Variants in HMCN2 observed in about 807,000 individuals in gnomAD.
The protein encoded by HMCN2 is hemicentin-2.
HMCN2 carries 325 observed loss-of-function variants against 377.5 expected under a neutral mutation model. The observed-to-expected ratio is 0.86, with a 90% CI of 0.79 to 0.94. The LOEUF (loss-of-function observed/expected upper bound fraction) is 0.94, where lower values mean the gene tolerates loss of function less well. Among genes scored for constraint, HMCN2 ranks in the 40% least tolerant of loss-of-function variants. HMCN2 has a pLI of 0.00. For missense variants in HMCN2, 4,543 were observed against 4,725.3 expected, an observed-to-expected ratio of 0.96 and a Z score of 1.13; for synonymous variants, 2,007 against 2,046.8, an observed-to-expected ratio of 0.98 and a Z score of 0.53.
chr9:130,389,096 G>A (rs1448941641), intron 62 of HMCN2, among the ~76,000 whole-genome samples: 1 of 152,194 alleles, frequency 6.6e-6, no homozygotes, highest in Non-Finnish European at 1.5e-5. Context: ...ACAGCTCGGA[G>A]CTGGTCCCTT....
In HMCN2 at chr9:130,323,071, T is replaced by C. The variant is rs950375903; in HGVS notation, c.2920+1140T>C. Among the ~76,000 whole-genome samples the C allele has an allele frequency of 4.6e-5, 7 of 152,272 alleles. No homozygotes were observed. The East Asian group carries it at 1.4e-3, about 29-fold the overall frequency. On this transcript the variant is annotated intron_variant, in intron 19 of 97. Coordinates refer to ENST00000683500, the MANE Select transcript of HMCN2 (RefSeq NM_001291815.2). ...CATCCAGGGTGGAGTGTGTACCACA[T>C]GCCAGGCATCTGCTAGTTTCTATAT...
At chr9:130,279,333 G>T (rs2131257136) in intron 1 of HMCN2, among the ~76,000 whole-genome samples, 1 of 152,154 alleles carries the variant, frequency 6.6e-6, no homozygotes, top group Middle Eastern at 3.4e-3. Context: ...GGGGTCTTCA[G>T]ATCTCTTCCT....
At position 130,418,930 on chromosome 9, in the gene HMCN2, G is replaced by A. The variant is rs563941989; in HGVS notation, c.13120G>A (p.Asp4374Asn). The change falls in exon 86 of 98, where the codon GAT becomes AAT. Residue 4374 changes from aspartate to asparagine, a missense_variant. Coordinates refer to ENST00000683500, the MANE Select transcript of HMCN2 (RefSeq NM_001291815.2). ...CAGCCGGCGGCTCCGGACCCTGCCC[G>A]ATGGGAGCCTGTGGCTGGAGAACGT... ...RASRRLRTLP[D>N]GSLWLENVET... The A allele has an allele frequency of 1.7e-5, 26 of 1,544,108 alleles. No individual in the cohort carries two copies. The highest frequency in any genetic ancestry group is 1.7e-4 in the Middle Eastern group (1 of 5,962).
rs145600634 is a variant in HMCN2, at chr9:130,388,568, G to A, written c.9523+28G>A. On this transcript the variant is annotated intron_variant, in intron 62 of 97. Coordinates refer to ENST00000683500, the MANE Select transcript of HMCN2 (RefSeq NM_001291815.2). Reference sequence around the variant, plus strand: ...GAGCACATCTGTCCTTGTCTGTTTCGCGTAAAGCATTCCTTTCTTTAATAA... The same window carrying A: ...GAGCACATCTGTCCTTGTCTGTTTCACGTAAAGCATTCCTTTCTTTAATAA... 125 of 987,946 alleles carry A rather than the reference G, an allele frequency of 1.3e-4. 1 individual carries two copies. The East Asian group carries it at 9.0e-3, about 71-fold the overall frequency. 61.2% of individuals were successfully genotyped at this position (987,946 alleles called of 1,614,324 possible).
chr9:130,344,362 G>A (rs975964767), intron 25 of HMCN2, among the ~76,000 whole-genome samples: 4 of 151,340 alleles, frequency 2.6e-5, no homozygotes, highest in Non-Finnish European at 5.9e-5. Flanking sequence ...TGTAGTATGT[G>A]GTGTGTGTGT....
rs1837867746 is a variant in HMCN2 at position 130,321,811 on chromosome 9, A to ATCCGAGGAGACGGCAGCC, written c.2806_2807insGAGACGGCAGCCTCCGAG (p.Arg935_Ala936insGlyAspGlySerLeuArg). The ATCCGAGGAGACGGCAGCC allele has an allele frequency of 6.6e-6, 1 of 152,152 alleles. No individual in the cohort carries two copies. The highest frequency in any genetic ancestry group is 2.4e-5 in the African/African-American group (1 of 41,410). The allele number at this position is 152,152 out of a possible 1,614,324, so 9.4% of individuals were successfully genotyped here. On this transcript the variant is annotated inframe_insertion, in exon 19 of 98. Transcript: ENST00000683500. Reference sequence around the variant, plus strand: ...GCTCCCACCTGGCAGCCGGCATTCCATCCGAGCAGACGGCAGCCTCCACCT... The same window carrying ATCCGAGGAGACGGCAGCC: ...GCTCCCACCTGGCAGCCGGCATTCCATCCGAGGAGACGGCAGCCTCCGAGCAGACGGCAGCCTCCACCT...
At chr9:130,372,612 TA>T (rs1249549361) in intron 47 of HMCN2, among the ~76,000 whole-genome samples, 2 of 152,122 alleles carry the variant, frequency 1.3e-5, no homozygotes, top group Non-Finnish European at 2.9e-5. Flanking sequence ...CTGTCTCTAT[TA>T]AATGTACAAA....
chr9:130,388,574 A>G (rs1450360352), intron 62 of HMCN2, 34 bp downstream of exon 62: 1 of 987,704 alleles, frequency 1.0e-6, no homozygotes, highest in African/African-American at 1.7e-5. Context: ...TTTCGCGTAA[A>G]GCATTCCTTT....
chr9:130,393,783 G>A lies in HMCN2; in HGVS notation c.10276G>A (p.Val3426Met). The A allele has an allele frequency of 7.8e-7, 1 of 1,282,636 alleles. No individual in the cohort carries two copies. The highest frequency in any genetic ancestry group is 1.5e-5 in the African/African-American group (1 of 65,822). 79.5% of individuals were successfully genotyped at this position (1,282,636 alleles called of 1,614,324 possible). A position where few individuals can be genotyped will look rare whatever the true frequency, so the allele number is the denominator to read the frequency against. ...LEPVEFQNDV[V>M]VVRGSLVELP... ...GCCGGTGGAGTTCCAGAATGACGTG[G>A]TGGTGGTTCGTGGCTCCCTGGTGGA... Residue 3426 changes from valine to methionine, a missense_variant, in exon 68 of 98, where the codon GTG becomes ATG. Physicochemically the swap from Val to Met is conservative, Grantham distance 21. Transcript: ENST00000683500. This position sits in a 1 kb window ranked among gnomAD's most constrained non-coding sequence, Gnocchi z 5.2.
intron 4 of HMCN2, among the ~76,000 whole-genome samples, chr9:130,291,936 C>A (rs1835795945): frequency 6.6e-6 from 1 of 151,744 alleles, no homozygotes; most frequent in Non-Finnish European, 1.5e-5. Flanking sequence ...TTTTTTATGA[C>A]ACTAAGCTGT....
chr9:130,312,734 C>G (rs1007666378), intron 15 of HMCN2, among the ~76,000 whole-genome samples: 2 of 149,774 alleles, frequency 1.3e-5, no homozygotes, highest in Non-Finnish European at 1.5e-5. Flanking sequence ...GGCGCAATCT[C>G]GGCTCACTGC....
At chr9:130,309,374 G>C (rs1045701807) in intron 14 of HMCN2, among the ~76,000 whole-genome samples, 24 of 152,098 alleles carry the variant, frequency 1.6e-4, no homozygotes, top group African/African-American at 5.8e-4. Flanking sequence ...AATTAGCTGA[G>C]TGTGGTGGTG....
chr9:130,296,339 C>T (rs1279831302), intron 6 of HMCN2, among the ~76,000 whole-genome samples: 1 of 152,162 alleles, frequency 6.6e-6, no homozygotes, highest in Non-Finnish European at 1.5e-5. Flanking sequence ...CTCTGAGCAC[C>T]TCTGAGCCAA....
chr9:130,380,358 GTC>G (rs1274494150), intron 54 of HMCN2, among the ~76,000 whole-genome samples: 4 of 152,308 alleles, frequency 2.6e-5, no homozygotes, highest in South Asian at 2.1e-4. Flanking sequence ...AGCGTGGGTG[GTC>G]TCTCTGTTTG....
At chr9:130,267,458 A>ACGCG (rs1369342639) in intron 1 of HMCN2, among the ~76,000 whole-genome samples, 2 of 151,104 alleles carry the variant, frequency 1.3e-5, no homozygotes, top group Non-Finnish European at 2.9e-5. Flanking sequence ...ACACACACAC[A>ACGCG]CACACACACA....
At chr9:130,305,756 G>A (rs539484719) in intron 11 of HMCN2, among the ~76,000 whole-genome samples, 9 of 152,294 alleles carry the variant, frequency 5.9e-5, no homozygotes, top group South Asian at 4.2e-4. Flanking sequence ...GGGGCCAATA[G>A]TAGGGCAGGC....
intron 55 of HMCN2, 80 bp from the exon 56 acceptor site, chr9:130,382,599 A>C (rs1183019793): frequency 2.1e-6 from 1 of 467,618 alleles, no homozygotes; most frequent in African/African-American, 2.1e-5. Flanking sequence ...CCTGACACCA[A>C]GTGCCACTCT....
chr9:130,349,614 TG>T lies in HMCN2; in HGVS notation c.4383del (p.Trp1461Ter). The T allele has an allele frequency of 7.7e-7, 1 of 1,304,128 alleles. No homozygotes were observed. The highest frequency in any genetic ancestry group is 1.2e-5 in the South Asian group (1 of 81,022). 80.8% of individuals were successfully genotyped at this position (1,304,128 alleles called of 1,614,324 possible). A position where few individuals can be genotyped will look rare whatever the true frequency, so the allele number is the denominator to read the frequency against. On this transcript the variant is annotated frameshift_variant, in exon 29 of 98. Transcript: ENST00000683500. LOFTEE classifies it high-confidence loss of function. ...CGGTGCAGACGTGGAGCTGCAGTGT[TG>T]GACCTCAGGGGTCCCCACGCCCCAG... ...LAGADVELQC[W>X]TSGVPTPQVE...
chr9:130,402,160 G>A (rs928236687), intron 77 of HMCN2, among the ~76,000 whole-genome samples: 2 of 152,376 alleles, frequency 1.3e-5, no homozygotes, highest in Admixed American at 6.5e-5. Context: ...ACAAACCACA[G>A]TTCTGGTTCC....
Sources: gnomAD v4.1 joint callset for allele counts (sites outside exome capture counted in the v4.1 genomes callset) on GRCh38, gnomAD v4.1.1 for gene constraint, Gnocchi (gnomAD v3.1) non-coding constraint, MANE v1.5 for transcripts, NCBI Gene and HGNC (gene_info 2026-07-23, HGNC 2026-07-21) for gene names.